Variants in ELMOD2 observed in about 807,000 individuals in gnomAD.
ELMOD2 encodes the protein ELMO domain-containing protein 2.
ELMOD2 carries 28 observed loss-of-function variants against 41.0 expected under a neutral mutation model. The observed-to-expected ratio is 0.68, with a 90% CI of 0.51 to 0.94. ELMOD2 has a LOEUF of 0.94. Among genes scored for constraint, ELMOD2 ranks in the 40% least tolerant of loss-of-function variants. The pLI, the probability that ELMOD2 is intolerant of heterozygous loss-of-function variation, is 0.00. For missense variants in ELMOD2, 333 were observed against 343.1 expected, an observed-to-expected ratio of 0.97 and a Z score of 0.23; for synonymous variants, 106 against 107.2, an observed-to-expected ratio of 0.99 and a Z score of 0.07.
Position 140,547,322 on chromosome 4 carries a change from C to T in ELMOD2, c.737-2908C>T, listed in dbSNP as rs181701816. On this transcript the variant is annotated intron_variant, in intron 8 of 8. Transcript: ENST00000323570. ...CGTCCTGTGTAGGAAGGGCTGGAAACGTTTGTAGTTTAGCTTTTTAGCTCC... is the reference window on the plus strand; with the variant it reads ...CGTCCTGTGTAGGAAGGGCTGGAAATGTTTGTAGTTTAGCTTTTTAGCTCC... 4.1e-4 allele frequency among the ~76,000 whole-genome samples: 63 copies of T among 152,194 alleles called. No homozygotes were observed. The East Asian group carries it at 0.011, about 27-fold the overall frequency.
chr4:140,539,780 A>G (rs572312130), intron 5 of ELMOD2, among the ~76,000 whole-genome samples: 1 of 152,142 alleles, frequency 6.6e-6, no homozygotes, highest in Admixed American at 6.5e-5. Context: ...TCTTATACCT[A>G]TTTTCATTCT....
Position 140,543,536 on chromosome 4 carries a change from A to G in ELMOD2, c.686A>G (p.Tyr229Cys). Residue 229 changes from tyrosine (Y) to cysteine (C), a missense_variant, in exon 8 of 9, where the codon TAT becomes TGT. Transcript: ENST00000323570. ...AGTGAAGCTTTGAAGTTTCATCTCT[A>G]TAACCTTGTTCCTGGTATACCAACA... ...LKSEALKFHL[Y>C]NLVPGIPTME... 1 of 1,606,608 alleles carries G rather than the reference A, an allele frequency of 6.2e-7. No individual in the cohort carries two copies. Among genetic ancestry groups the G allele is most frequent in the Non-Finnish European group, 8.5e-7 (1 of 1,177,864 alleles).
At chr4:140,538,310 G>A (rs1018608743) in intron 5 of ELMOD2, among the ~76,000 whole-genome samples, 10 of 152,074 alleles carry the variant, frequency 6.6e-5, no homozygotes, top group African/African-American at 9.7e-5. Flanking sequence ...TTTTAAAATC[G>A]TTAAAGAAAA....
chr4:140,542,777 G>A, intron 7 of ELMOD2, 135 bp downstream of exon 7: 1 of 608,780 alleles, frequency 1.6e-6, no homozygotes, highest in Non-Finnish European at 2.6e-6. Flanking sequence ...GATATTACAT[G>A]ATACATTATT....
chr4:140,532,166 GTTT>G (rs56301474), intron 3 of ELMOD2, among the ~76,000 whole-genome samples: 1 of 137,628 alleles, frequency 7.3e-6, no homozygotes. Flanking sequence ...ATGTTGAGTT[GTTT>G]TTTTTTTTTT....
At chr4:140,526,682 C>T (rs1289255233) in intron 2 of ELMOD2, 2 of 152,188 alleles carry the variant, frequency 1.3e-5, no homozygotes, top group Non-Finnish European at 2.9e-5. Context: ...AGTTTAATTA[C>T]TTTCCTAGTT....
intron 5 of ELMOD2, among the ~76,000 whole-genome samples, chr4:140,538,710 A>G (rs974913535): frequency 6.6e-6 from 1 of 152,156 alleles, no homozygotes; most frequent in African/African-American, 2.4e-5. Context: ...ATTCAGTTCT[A>G]CACTACACAT....
intron 5 of ELMOD2, 39 bp from the exon 6 acceptor site, chr4:140,540,129 G>T (rs375688357): frequency 2.5e-6 from 4 of 1,599,748 alleles, no homozygotes; most frequent in Non-Finnish European, 3.4e-6. Flanking sequence ...CAAGCTATGA[G>T]AAAGAAAATG....
intron 8 of ELMOD2, 66 bp downstream of exon 8, chr4:140,543,652 A>G: frequency 8.2e-7 from 1 of 1,215,746 alleles, no homozygotes; most frequent in Non-Finnish European, 1.1e-6. Flanking sequence ...AGGAATGTAT[A>G]ATATATATTT....
chr4:140,542,388 G>A, intron 6 of ELMOD2, 186 bp from the exon 7 acceptor site: 1 of 505,722 alleles, frequency 2.0e-6, no homozygotes, highest in Non-Finnish European at 3.5e-6. Context: ...TACTACATAG[G>A]CCTGATAGCT....
At chr4:140,540,065 C>T in intron 5 of ELMOD2, 103 bp from the exon 6 acceptor site, 2 of 1,354,470 alleles carry the variant, frequency 1.5e-6, no homozygotes, top group Non-Finnish European at 2.0e-6. Flanking sequence ...AAAGTCTTTG[C>T]TTAACCTATG....
At chr4:140,550,115 A>AT (rs1336829950) in intron 8 of ELMOD2, 115 bp from the exon 9 acceptor site, 1 of 876,598 alleles carries the variant, frequency 1.1e-6, no homozygotes, top group East Asian at 2.8e-5. Context: ...ATTACTTTTG[A>AT]TTATTGTATT....
At chr4:140,549,380 TA>T (rs1735395718) in intron 8 of ELMOD2, among the ~76,000 whole-genome samples, 1 of 152,090 alleles carries the variant, frequency 6.6e-6, no homozygotes, top group Non-Finnish European at 1.5e-5. Context: ...TGTGTGTGTA[TA>T]AACAAGTTCG....
chr4:140,541,099 A>AGG (rs1735093169), intron 6 of ELMOD2, among the ~76,000 whole-genome samples: 1 of 152,226 alleles, frequency 6.6e-6, no homozygotes, highest in Admixed American at 6.5e-5. Flanking sequence ...CCAAATATGT[A>AGG]AGTGAAGTCA....
intron 5 of ELMOD2, 29 bp from the exon 6 acceptor site, chr4:140,540,139 G>A: frequency 6.2e-7 from 1 of 1,606,120 alleles, no homozygotes; most frequent in Non-Finnish European, 8.5e-7. Context: ...GAAAGAAAAT[G>A]TCTTAATAAT....
At chr4:140,542,499 C>A in intron 6 of ELMOD2, 75 bp from the exon 7 acceptor site, 1 of 1,108,160 alleles carries the variant, frequency 9.0e-7, no homozygotes. Context: ...TTGACAGTAG[C>A]TTTTTAAATT....
At chr4:140,530,680 C>A (rs555894238) in intron 3 of ELMOD2, among the ~76,000 whole-genome samples, 2 of 152,264 alleles carry the variant, frequency 1.3e-5, no homozygotes, top group Admixed American at 1.3e-4. Context: ...GAAATTAAAT[C>A]ACTTAACGAT....
intron 3 of ELMOD2, chr4:140,535,449 A>T: frequency 3.9e-6 from 1 of 254,188 alleles, no homozygotes; most frequent in South Asian, 8.1e-5. Context: ...CTTCGTAAAC[A>T]CTATGGTGGC....
At chr4:140,543,615 T>C (rs1735175514) in intron 8 of ELMOD2, 29 bp downstream of exon 8, 3 of 1,528,872 alleles carry the variant, frequency 2.0e-6, no homozygotes, top group Non-Finnish European at 2.6e-6. Context: ...TAAAACTAGA[T>C]CTTTCTAAGA....
Sources: gnomAD v4.1 joint callset for allele counts (sites outside exome capture counted in the v4.1 genomes callset) on GRCh38, gnomAD v4.1.1 for gene constraint, MANE v1.5 for transcripts, NCBI Gene and HGNC (gene_info 2026-07-23, HGNC 2026-07-21) for gene names.